ARHGAP39: variants seen among roughly 807,000 people sequenced by gnomAD.
ARHGAP39 encodes the protein rho GTPase-activating protein 39.
A neutral mutation model predicts 106.9 loss-of-function variants in ARHGAP39; 44 were observed. The observed-to-expected ratio is 0.41, with a 90% CI of 0.32 to 0.53. ARHGAP39 has a LOEUF of 0.53. Ranked by LOEUF, ARHGAP39 falls within the 20% of genes least tolerant of loss-of-function variation. The pLI is 0.21. For synonymous variants in ARHGAP39, 768 were observed against 693.2 expected (o/e 1.11, Z -1.69); for missense variants, 1,496 against 1,577.3 (o/e 0.95, Z 0.87).
intron 1 of ARHGAP39, among the ~76,000 whole-genome samples, chr8:144,659,897 G>A (rs185190947): frequency 7.2e-4 from 109 of 152,166 alleles, no homozygotes; most frequent in South Asian, 1.5e-3. Flanking sequence ...CCCAGTCTCC[G>A]TTATAATCCC....
intron 1 of ARHGAP39, among the ~76,000 whole-genome samples, chr8:144,610,408 T>C (rs1171217990): frequency 6.6e-6 from 1 of 152,150 alleles, no homozygotes; most frequent in Admixed American, 6.5e-5. Context: ...CAGTGATTTG[T>C]ACATTTAAAA....
intron 1 of ARHGAP39, among the ~76,000 whole-genome samples, chr8:144,637,856 TTTTC>T (rs1374254050): frequency 1.3e-5 from 2 of 150,530 alleles, no homozygotes; most frequent in Non-Finnish European, 2.9e-5. Flanking sequence ...ACATGGATAT[TTTTC>T]TTTCTTTTTT....
intron 1 of ARHGAP39, among the ~76,000 whole-genome samples, chr8:144,663,484 C>G (rs1821885918): frequency 6.6e-6 from 1 of 152,144 alleles, no homozygotes; most frequent in Non-Finnish European, 1.5e-5. Context: ...GGAGCCACCC[C>G]ATGTCTCCAA....
intron 1 of ARHGAP39, among the ~76,000 whole-genome samples, chr8:144,620,557 G>T (rs943264791): frequency 8.2e-6 from 1 of 122,256 alleles, no homozygotes; most frequent in Non-Finnish European, 1.5e-5. Flanking sequence ...GCCCGTGTGC[G>T]TGAGCTTGTG....
intron 4 of ARHGAP39, among the ~76,000 whole-genome samples, chr8:144,552,400 C>G (rs555597164): frequency 6.6e-6 from 1 of 152,280 alleles, no homozygotes; most frequent in African/African-American, 2.4e-5. Flanking sequence ...CAGCAGCCGA[C>G]AGGCTCCCAA....
chr8:144,537,849 A>G, intron 6 of ARHGAP39, 36 bp from the exon 7 acceptor site: 1 of 1,596,880 alleles, frequency 6.3e-7, no homozygotes, highest in East Asian at 2.2e-5. Flanking sequence ...ACGACAGAAC[A>G]AAACGCCAGG....
At chr8:144,567,849 T>C (rs1818456274) in intron 3 of ARHGAP39, among the ~76,000 whole-genome samples, 1 of 152,166 alleles carries the variant, frequency 6.6e-6, no homozygotes. Context: ...TGGAGATGGC[T>C]CACTCTCCTT....
intron 1 of ARHGAP39, among the ~76,000 whole-genome samples, chr8:144,674,590 T>C (rs1013350699): frequency 3.3e-5 from 5 of 152,194 alleles, no homozygotes; most frequent in Admixed American, 6.5e-5. Flanking sequence ...CTTCAGGCTG[T>C]CCCTGACTTG....
rs866887901 is a variant in ARHGAP39, at chr8:144,600,441, C to T, written c.80+5094G>A. Among the ~76,000 whole-genome samples, 9 of 134,654 alleles carry T rather than the reference C, an allele frequency of 6.7e-5. No individual in the cohort carries two copies. The South Asian group carries it at 9.6e-4, about 14-fold the overall frequency. 88.3% of individuals were successfully genotyped at this position (134,654 alleles called of 152,430 possible). A position where few individuals can be genotyped will look rare whatever the true frequency, so the allele number is the denominator to read the frequency against. The stretch of plus-strand genomic sequence containing the variant: ...ACCTGAGTGTGCGTGTTCGTGGAGG[C>T]GTGCATGTGCACTTGGGTACCTACC... On this transcript the variant is annotated intron_variant, in intron 2 of 11. Transcript: ENST00000377307.
chr8:144,530,665 AGGGG>A, intron 11 of ARHGAP39, 33 bp downstream of exon 11: 1 of 913,534 alleles, frequency 1.1e-6, no homozygotes, highest in Admixed American at 4.1e-5. Context: ...CGGGGCGGGG[AGGGG>A]AAAGCAGCGG....
At chr8:144,637,393 T>C (rs776737677) in intron 1 of ARHGAP39, among the ~76,000 whole-genome samples, 1 of 152,140 alleles carries the variant, frequency 6.6e-6, no homozygotes, top group African/African-American at 2.4e-5. Flanking sequence ...GAGCGGATCA[T>C]GAGGTCAAGA....
At chr8:144,616,985 GAGAATCAC>G (rs1426890323) in intron 1 of ARHGAP39, among the ~76,000 whole-genome samples, 1 of 152,168 alleles carries the variant, frequency 6.6e-6, no homozygotes, top group Non-Finnish European at 1.5e-5. Flanking sequence ...TCCAAAGCAG[GAGAATCAC>G]TTGAGGTCAG....
chr8:144,619,923 CGT>C (rs1371412703), intron 1 of ARHGAP39, among the ~76,000 whole-genome samples: 78 of 92,674 alleles, frequency 8.4e-4, no homozygotes, highest in African/African-American at 2.7e-3. Context: ...TGCCCGTGTG[CGT>C]GTGAGCCTGT....
intron 2 of ARHGAP39, chr8:144,583,940 T>C (rs1481895880): frequency 6.6e-6 from 1 of 152,266 alleles, no homozygotes. Flanking sequence ...ACTCTTATAT[T>C]GGCCTGTCCA....
At position 144,555,625 on chromosome 8, in the gene ARHGAP39, C is replaced by T. The variant is rs554786886; in HGVS notation, c.531G>A (p.Val177=). Residue 177 remains valine, a synonymous_variant, in exon 4 of 12, where the codon GTG becomes GTA. Transcript: ENST00000377307. Reference sequence around the variant, plus strand: ...AAATCTCATAGTCCTTCTCAAGGAACACTCCTGGTGGTGAAGAGCTGAAAC... The same window carrying T: ...AAATCTCATAGTCCTTCTCAAGGAATACTCCTGGTGGTGAAGAGCTGAAAC... ...EDSGSSSPPG[V]FLEKDYEIYR... 3 of 1,613,846 alleles carry T rather than the reference C, an allele frequency of 1.9e-6. No homozygotes were observed. Among genetic ancestry groups the T allele is most frequent in the African/African-American group, 1.3e-5 (1 of 75,072 alleles).
intron 3 of ARHGAP39, among the ~76,000 whole-genome samples, chr8:144,563,503 A>G (rs1259502503): frequency 1.3e-5 from 2 of 152,126 alleles, no homozygotes. Flanking sequence ...AGGGCTTGGC[A>G]CCCTAAAATT....
intron 1 of ARHGAP39, among the ~76,000 whole-genome samples, chr8:144,658,271 G>A (rs112891246): frequency 0.011 from 1,670 of 150,642 alleles, 32 homozygotes; most frequent in African/African-American, 0.039. Context: ...CACCACACCC[G>A]GCTAATTTTT....
At chr8:144,537,966 CTGTG>C (rs1368996632) in intron 6 of ARHGAP39, among the ~76,000 whole-genome samples, 153 bp from the exon 7 acceptor site, 1 of 152,198 alleles carries the variant, frequency 6.6e-6, no homozygotes, top group Non-Finnish European at 1.5e-5. Flanking sequence ...GGGGACGTGG[CTGTG>C]TGAGTGGCAG....
Position 144,662,721 on chromosome 8 carries a change from C to T in ARHGAP39, c.-82+22965G>A, listed in dbSNP as rs564958096. Among the ~76,000 whole-genome samples, 163 of 149,804 alleles carry T rather than the reference C, an allele frequency of 1.1e-3. 1 individual carries two copies. Among genetic ancestry groups the T allele is most frequent in the African/African-American group, 2.9e-3 (119 of 40,598 alleles). ...CTATTATCCACCTTGGGCCATTACC[C>T]GCCTCCCCATTATCCACCTTGGCCA... is the stretch of plus-strand genomic sequence containing the variant. On this transcript the variant is annotated intron_variant, in intron 1 of 11. Transcript: ENST00000377307.
Sources: allele counts gnomAD v4.1 joint callset (sites outside exome capture counted in the v4.1 genomes callset), GRCh38; gene constraint gnomAD v4.1.1; transcripts MANE v1.5; gene names NCBI Gene and HGNC (gene_info 2026-07-23, HGNC 2026-07-21).